CDC14B: variants seen among roughly 807,000 people sequenced by gnomAD.
CDC14B encodes the protein cell division cycle 14B, also known as dual specificity protein phosphatase CDC14B.
CDC14B carries 22 observed loss-of-function variants against 64.2 expected under a neutral mutation model. The ratio of observed to expected loss-of-function variants is 0.34; its 90% CI spans 0.24 to 0.49. CDC14B has a LOEUF of 0.49. CDC14B is among the 20% of genes least tolerant of loss of function. The pLI is 0.99. For missense variants in CDC14B, 498 were observed against 629.9 expected, an observed-to-expected ratio of 0.79 and a Z score of 2.24; for synonymous variants, 191 against 215.8, an observed-to-expected ratio of 0.89 and a Z score of 1.01.
intron 8 of CDC14B, 123 bp from the exon 9 acceptor site, chr9:96,534,280 T>A: frequency 1.3e-6 from 1 of 791,940 alleles, no homozygotes; most frequent in Non-Finnish European, 2.0e-6. Flanking sequence ...TGATTATAAC[T>A]GTAAAAAACA....
At chr9:96,538,204 G>C (rs1448682459) in intron 7 of CDC14B, among the ~76,000 whole-genome samples, 1 of 152,118 alleles carries the variant, frequency 6.6e-6, no homozygotes. Flanking sequence ...ATCACTGTGT[G>C]ACAGCCATCA....
At chr9:96,497,072 C>A (rs1432720019), downstream of CDC14B, among the ~76,000 whole-genome samples, 2 of 152,224 alleles carry the variant, frequency 1.3e-5, no homozygotes, top group Non-Finnish European at 1.5e-5. Flanking sequence ...CAGGAGAAAC[C>A]ATTGTCCTCC....
chr9:96,589,687 G>A (rs557067488), intron 1 of CDC14B, among the ~76,000 whole-genome samples: 33 of 151,996 alleles, frequency 2.2e-4, no homozygotes, highest in Non-Finnish European at 3.7e-4. Context: ...GGCCGGGCAC[G>A]GTGGCTCACA....
chr9:96,514,223 A>C (rs894119456), intron 12 of CDC14B, among the ~76,000 whole-genome samples: 185 of 152,332 alleles, frequency 1.2e-3, no homozygotes, highest in African/African-American at 4.2e-3. Flanking sequence ...TACCCTGGGA[A>C]TGATCATTCA....
chr9:96,508,790 A>C (rs1587734696), intron 13 of CDC14B, among the ~76,000 whole-genome samples: 1 of 152,204 alleles, frequency 6.6e-6, no homozygotes, highest in Admixed American at 6.5e-5. Flanking sequence ...TGCACTGGGG[A>C]CTAATTTCAC....
intron 13 of CDC14B, among the ~76,000 whole-genome samples, chr9:96,507,970 T>C (rs1389962023): frequency 6.6e-6 from 1 of 152,178 alleles, no homozygotes; most frequent in African/African-American, 2.4e-5. Flanking sequence ...TTTCTATACA[T>C]ATATAGTATA....
chr9:96,588,550 A>C (rs565360965), intron 1 of CDC14B, among the ~76,000 whole-genome samples: 44 of 152,280 alleles, frequency 2.9e-4, no homozygotes, highest in African/African-American at 1.1e-3. Flanking sequence ...GCAGTGGCGT[A>C]ATCAAGGCTC....
At position 96,594,580 on chromosome 9, in the gene CDC14B, G is replaced by A. The variant is rs187507704; in HGVS notation, c.160+24639C>T. On this transcript the variant is annotated intron_variant, in intron 1 of 13. Coordinates refer to ENST00000375241, the MANE Select transcript of CDC14B (RefSeq NM_033331.4). Reference sequence around the variant, plus strand: ...GAAAACATAAAAATTGGCAGGGTGTGGTGATGCATGCCTGTAATCCCAGCT... The same window carrying A: ...GAAAACATAAAAATTGGCAGGGTGTAGTGATGCATGCCTGTAATCCCAGCT... Among the ~76,000 whole-genome samples the A allele has an allele frequency of 8.5e-5, 13 of 152,074 alleles. No individual in the cohort carries two copies. The East Asian group carries it at 2.5e-3, about 29-fold the overall frequency.
intron 1 of CDC14B, chr9:96,618,699 C>A: frequency 2.3e-6 from 1 of 438,746 alleles, no homozygotes. Flanking sequence ...GCCGGACGGG[C>A]AACGCGGCGC....
Position 96,503,120 on chromosome 9 carries a change from G to T in CDC14B, c.*633C>A, listed in dbSNP as rs555980346. Reference sequence around the variant, plus strand: ...CTCTTGCAAGTTTTAGGTTACTAAGGTACCACCTGGTCTTACAACATGCAA... The same window carrying T: ...CTCTTGCAAGTTTTAGGTTACTAAGTTACCACCTGGTCTTACAACATGCAA... On this transcript the variant is annotated 3_prime_UTR_variant, in exon 14 of 14. Transcript: ENST00000375241. 2.7e-6 allele frequency: 1 copy of T among 372,466 alleles called. No individual in the cohort carries two copies. The highest frequency in any genetic ancestry group is 2.1e-5 in the African/African-American group (1 of 48,194). The allele number at this position is 372,466 out of a possible 1,614,324, so 23.1% of individuals were successfully genotyped here.
chr9:96,500,252 G>A lies in CDC14B; in HGVS notation c.*3501C>T, dbSNP rs1056953641. 2 of 152,434 alleles carry A rather than the reference G, an allele frequency of 1.3e-5. No individual in the cohort carries two copies. The highest frequency in any genetic ancestry group is 4.8e-5 in the African/African-American group (2 of 41,378). The allele number at this position is 152,434 out of a possible 1,614,324, so 9.4% of individuals were successfully genotyped here. On this transcript the variant is annotated 3_prime_UTR_variant, in exon 14 of 14. Coordinates refer to ENST00000375241, the MANE Select transcript of CDC14B (RefSeq NM_033331.4). ...CTACATACATATGCAAAGTTTACAC[G>A]CCATTAGGAAGCTTTATCTTAAAAA...
In CDC14B at chr9:96,531,492, C is replaced by A. The variant is rs570687258; in HGVS notation, c.946+2435G>T. 1.3e-4 allele frequency among the ~76,000 whole-genome samples: 20 copies of A among 152,102 alleles called. No individual in the cohort carries two copies. In the South Asian group the frequency reaches 4.1e-3, roughly 32 times the overall value. On this transcript the variant is annotated intron_variant, in intron 9 of 13. Transcript: ENST00000375241. ...ATCAGTGGTAATGCCATTTTCATTT[C>A]TAATTTTAGTAATTTGAGTCTTCTT...
intron 12 of CDC14B, among the ~76,000 whole-genome samples, chr9:96,519,940 A>AT (rs1274812975): frequency 2.6e-5 from 4 of 152,208 alleles, no homozygotes; most frequent in African/African-American, 9.7e-5. Flanking sequence ...GAAGAAATTG[A>AT]TTTTGTATTT....
intron 1 of CDC14B, among the ~76,000 whole-genome samples, chr9:96,600,572 G>A (rs2118813333): frequency 6.6e-6 from 1 of 151,488 alleles, no homozygotes; most frequent in Admixed American, 6.6e-5. Flanking sequence ...GTGCGATCTT[G>A]GCTCACTGCA....
chr9:96,533,998 G>C lies in CDC14B; in HGVS notation c.875C>G (p.Thr292Ser). ...DLFFADGSTP[T>S]DAIVKEFLDI... ...TAGGAATTCTTTGACAATGGCATCA[G>C]TAGGGGTGCTGCCATCCGCAAAGAA... The change falls in exon 9 of 14, where the codon ACT (threonine) becomes AGT (serine). Residue 292 changes from threonine to serine, a missense_variant. Coordinates refer to ENST00000375241, the MANE Select transcript of CDC14B (RefSeq NM_033331.4). The C allele has an allele frequency of 6.2e-7, 1 of 1,612,996 alleles. No homozygotes were observed. Among genetic ancestry groups the C allele is most frequent in the Non-Finnish European group, 8.5e-7 (1 of 1,179,392 alleles).
chr9:96,529,016 G>A (rs975017284), intron 9 of CDC14B, among the ~76,000 whole-genome samples: 8 of 152,116 alleles, frequency 5.3e-5, no homozygotes, highest in Admixed American at 3.9e-4. Context: ...GAAGTGATTT[G>A]CAAATATTTT....
intron 13 of CDC14B, among the ~76,000 whole-genome samples, chr9:96,508,442 A>ATTT (rs1327353819): frequency 2.0e-5 from 3 of 152,242 alleles, no homozygotes; most frequent in Admixed American, 2.0e-4. Context: ...TCTCACTGTT[A>ATTT]TAAATAACAC....
intron 7 of CDC14B, among the ~76,000 whole-genome samples, chr9:96,536,092 G>A (rs1305270210): frequency 6.6e-6 from 1 of 152,188 alleles, no homozygotes; most frequent in Non-Finnish European, 1.5e-5. Context: ...GAATTCAGAG[G>A]AGCTGAAATA....
chr9:96,493,739 G>C (rs1187533484), intron 13 of CDC14B, among the ~76,000 whole-genome samples: 1 of 152,060 alleles, frequency 6.6e-6, no homozygotes, highest in Non-Finnish European at 1.5e-5. Context: ...GCAGGAGGAT[G>C]GCTTGAGCCC....
Sources: allele counts gnomAD v4.1 joint callset (sites outside exome capture counted in the v4.1 genomes callset), GRCh38; gene constraint gnomAD v4.1.1; transcripts MANE v1.5; gene names NCBI Gene and HGNC (gene_info 2026-07-23, HGNC 2026-07-21).